CALCOCO2: variants seen among roughly 807,000 people sequenced by gnomAD.
The protein encoded by CALCOCO2 is calcium binding and coiled-coil domain 2.
In CALCOCO2, 42 loss-of-function variants were observed where a neutral mutation model predicts 62.5. That is an observed-to-expected ratio of 0.67 (90% CI 0.53 to 0.87). The LOEUF (loss-of-function observed/expected upper bound fraction) is 0.87, where lower values mean the gene tolerates loss of function less well. Among genes scored for constraint, CALCOCO2 ranks in the 40% least tolerant of loss-of-function variants. The pLI is 0.00. For synonymous variants in CALCOCO2, 167 were observed against 173.0 expected (o/e 0.97, Z 0.27); for missense variants, 456 against 515.0 (o/e 0.89, Z 1.11).
At chr17:48,851,725 C>T in intron 7 of CALCOCO2, 97 bp downstream of exon 7, 1 of 752,862 alleles carries the variant, frequency 1.3e-6, no homozygotes, top group Non-Finnish European at 2.4e-6. Context: ...GCAGTGAGTG[C>T]CTAATGGCAT....
At chr17:48,860,560 C>G (rs1309152814) in intron 11 of CALCOCO2, 111 bp downstream of exon 11, 8 of 914,806 alleles carry the variant, frequency 8.7e-6, no homozygotes, top group Non-Finnish European at 1.3e-5. Context: ...TTAAGACTTG[C>G]TGGGCAGAAG....
chr17:48,863,894 C>CATGGGAAA lies in CALCOCO2; in HGVS notation c.*892_*899dup. 6.6e-6 allele frequency: 1 copy of CATGGGAAA among 152,052 alleles called. No homozygotes were observed. Among genetic ancestry groups the CATGGGAAA allele is most frequent in the Non-Finnish European group, 1.5e-5 (1 of 67,988 alleles). The allele number at this position is 152,052 out of a possible 1,614,324, so 9.4% of individuals were successfully genotyped here. A position where few individuals can be genotyped will look rare whatever the true frequency, so the allele number is the denominator to read the frequency against. On this transcript the variant is annotated 3_prime_UTR_variant, in exon 13 of 13. Coordinates refer to ENST00000258947, the MANE Select transcript of CALCOCO2 (RefSeq NM_005831.5). Reference sequence around the variant, plus strand: ...ATTTATGGTCTTCTGTTTTGAAGCTCATGGGAAAATTGTGATCAAAAGGGC... The same window carrying CATGGGAAA: ...ATTTATGGTCTTCTGTTTTGAAGCTCATGGGAAAATGGGAAAATTGTGATCAAAAGGGC...
intron 1 of CALCOCO2, among the ~76,000 whole-genome samples, chr17:48,841,324 T>C (rs780331957): frequency 6.6e-6 from 1 of 152,192 alleles, no homozygotes; most frequent in Non-Finnish European, 1.5e-5. Flanking sequence ...CCTAAAGTCA[T>C]AGGGCTTGTT....
chr17:48,852,344 C>A lies in CALCOCO2; in HGVS notation c.703-162C>A, dbSNP rs112137792. The stretch of plus-strand genomic sequence containing the variant: ...TGCTCTCATTTTTAGGAAGCTATGC[C>A]TTAAAGAGGTGCTTTAAAGAGTGAT... On this transcript the variant is annotated intron_variant, in intron 7 of 12. Transcript: ENST00000258947. The A allele has an allele frequency of 2.8e-5, 17 of 600,392 alleles. 1 individual carries two copies. Among genetic ancestry groups the A allele is most frequent in the Admixed American group, 1.5e-4 (5 of 33,368 alleles). The allele number at this position is 600,392 out of a possible 1,614,324, so 37.2% of individuals were successfully genotyped here.
intron 1 of CALCOCO2, among the ~76,000 whole-genome samples, chr17:48,838,444 T>G (rs1397478517): frequency 6.6e-6 from 1 of 151,874 alleles, no homozygotes; most frequent in African/African-American, 2.4e-5. Context: ...GGTGGTCTCC[T>G]CCCTTAATGT....
At chr17:48,834,981 G>A (rs927092934) in intron 1 of CALCOCO2, among the ~76,000 whole-genome samples, 7 of 152,146 alleles carry the variant, frequency 4.6e-5, no homozygotes, top group African/African-American at 1.7e-4. Flanking sequence ...GGGAGGTTGA[G>A]GCTGCAGTGA....
chr17:48,843,111 C>T (rs2039997776), intron 2 of CALCOCO2, among the ~76,000 whole-genome samples: 1 of 152,170 alleles, frequency 6.6e-6, no homozygotes, highest in Non-Finnish European at 1.5e-5. Context: ...ATAAGTGCGT[C>T]TGACTACTTT....
intron 1 of CALCOCO2, among the ~76,000 whole-genome samples, chr17:48,833,096 G>A (rs528749517): frequency 1.1e-4 from 16 of 152,278 alleles, no homozygotes; most frequent in Middle Eastern, 3.4e-3. Flanking sequence ...CAGTGATTGT[G>A]TCTTTGCTTT....
intron 2 of CALCOCO2, among the ~76,000 whole-genome samples, chr17:48,845,549 G>A (rs1464250705): frequency 2.0e-5 from 3 of 146,708 alleles, no homozygotes; most frequent in Non-Finnish European, 4.4e-5. Flanking sequence ...GACCAACATG[G>A]AGAAACCCTG....
In CALCOCO2 at chr17:48,848,384, G is replaced by A. The variant is rs1266601307; in HGVS notation, c.346G>A (p.Val116Ile). The change falls in exon 4 of 13, where the codon GTC becomes ATC. Residue 116 changes from valine (V) to isoleucine (I), a missense_variant. By Grantham distance (29) the Val-to-Ile change is conservative. This residue lies in a region of CALCOCO2 where 236 missense variants were observed against 225.3 expected (regional missense o/e 1.05). Coordinates refer to ENST00000258947, the MANE Select transcript of CALCOCO2 (RefSeq NM_005831.5). ...QFCYVDEDGV[V>I]RGASIPFQFR... is the part of the protein sequence containing the mutation. Reference sequence around the variant, plus strand: ...CTGCTATGTGGATGAGGATGGTGTGGTCCGGGGAGCAAGTATTCCTTTCCA... The same window carrying A: ...CTGCTATGTGGATGAGGATGGTGTGATCCGGGGAGCAAGTATTCCTTTCCA... 6.2e-7 allele frequency: 1 copy of A among 1,613,416 alleles called. No homozygotes were observed.
At chr17:48,856,039 G>T (rs773952651) in intron 9 of CALCOCO2, 53 bp from the exon 10 acceptor site, 1 of 883,830 alleles carries the variant, frequency 1.1e-6, no homozygotes, top group Non-Finnish European at 1.8e-6. Context: ...TTCTCACCTT[G>T]TACCCAGACT....
Position 48,862,890 on chromosome 17 carries a change from C to T in CALCOCO2, c.1226C>T (p.Thr409Ile). 4 of 1,613,934 alleles carry T rather than the reference C, an allele frequency of 2.5e-6. No homozygotes were observed. The highest frequency in any genetic ancestry group is 3.4e-6 in the Non-Finnish European group (4 of 1,179,794). Residue 409 changes from threonine (T) to isoleucine (I), a missense_variant, in exon 13 of 13, where the codon ACC becomes ATC. Thr to Ile is a moderately conservative substitution (Grantham distance 89, BLOSUM62 -1). Around this residue, in one of 3 missense-constraint regions of CALCOCO2, gnomAD observed 172 missense variants for 210.3 expected, o/e 0.82. Transcript: ENST00000258947. Reference sequence around the variant, plus strand: ...AAAGCAGATGATATTTGTGATCACACCTTGGAGCAACAGCAGATGCAGCCC... The same window carrying T: ...AAAGCAGATGATATTTGTGATCACATCTTGGAGCAACAGCAGATGCAGCCC... ...ICKADDICDH[T>I]LEQQQMQPLC...
At chr17:48,852,802 A>G (rs2040153358) in intron 8 of CALCOCO2, 124 bp from the exon 9 acceptor site, 1 of 968,316 alleles carries the variant, frequency 1.0e-6, no homozygotes, top group Admixed American at 2.2e-5. Context: ...TCAGAAACTG[A>G]CGAGAGAAGA....
At chr17:48,860,179 G>A in intron 10 of CALCOCO2, 135 bp from the exon 11 acceptor site, 2 of 642,204 alleles carry the variant, frequency 3.1e-6, no homozygotes. Flanking sequence ...GAAGAATTAT[G>A]GATTATCAAT....
chr17:48,848,611 TC>T, intron 4 of CALCOCO2, 156 bp downstream of exon 4: 1 of 711,778 alleles, frequency 1.4e-6, no homozygotes, highest in Non-Finnish European at 2.5e-6. Flanking sequence ...AGGAATGACT[TC>T]GGAATGTTAA....
rs540747427 is a variant in CALCOCO2, at chr17:48,838,232, A to C, written c.-10-3466A>C. Among the ~76,000 whole-genome samples the C allele has an allele frequency of 3.9e-5, 6 of 152,222 alleles. No individual in the cohort carries two copies. In the East Asian group the frequency reaches 7.7e-4, roughly 20 times the overall value. On this transcript the variant is annotated intron_variant, in intron 1 of 12. Transcript: ENST00000258947. ...GTGTCGGTAATTAGATCGTCACAAA[A>C]CAGGATAGGGATTTTCACAGTGCTT...
chr17:48,851,528 AT>A, intron 6 of CALCOCO2, 30 bp from the exon 7 acceptor site: 1 of 1,355,640 alleles, frequency 7.4e-7, no homozygotes, highest in Non-Finnish European at 1.1e-6. Context: ...GAATCAGTGA[AT>A]TTTTCACATA....
At chr17:48,858,157 T>C (rs543191566) in intron 10 of CALCOCO2, among the ~76,000 whole-genome samples, 7 of 151,750 alleles carry the variant, frequency 4.6e-5, no homozygotes, top group African/African-American at 1.4e-4. Flanking sequence ...TCCAGAACTT[T>C]TCCATCTTGC....
chr17:48,863,602 T>C lies in CALCOCO2; in HGVS notation c.*597T>C, dbSNP rs1440324114. On this transcript the variant is annotated 3_prime_UTR_variant, in exon 13 of 13. Coordinates refer to ENST00000258947, the MANE Select transcript of CALCOCO2 (RefSeq NM_005831.5). ...CTCCTGAACCTTAGACAGGAAGTATTGTTTCAGTCACAGAAAGCTTTTCTG... is the reference window on the plus strand; with the variant it reads ...CTCCTGAACCTTAGACAGGAAGTATCGTTTCAGTCACAGAAAGCTTTTCTG... The C allele has an allele frequency of 1.3e-5, 2 of 154,920 alleles. No homozygotes were observed. Among genetic ancestry groups the C allele is most frequent in the South Asian group, 3.9e-4 (2 of 5,066 alleles). The allele number at this position is 154,920 out of a possible 1,614,324, so 9.6% of individuals were successfully genotyped here.
Sources: gnomAD v4.1 joint callset for allele counts (sites outside exome capture counted in the v4.1 genomes callset) on GRCh38, gnomAD v4.1.1 for gene constraint, gnomAD v4.1.1 regional missense constraint, MANE v1.5 for transcripts, NCBI Gene and HGNC (gene_info 2026-07-23, HGNC 2026-07-21) for gene names.